The following RERE variants were observed in gnomAD, a reference collection of about 807,000 sequenced individuals.
RERE encodes arginine-glutamic acid dipeptide repeats protein.
A neutral mutation model predicts 146.1 loss-of-function variants in RERE; 40 were observed. That is an observed-to-expected ratio of 0.27 (90% CI 0.21 to 0.36). The LOEUF is 0.36. Ranked by LOEUF, RERE falls within the 10% of genes least tolerant of loss-of-function variation. RERE has a pLI of 1.00. For missense variants in RERE, 1,933 were observed against 2,138.7 expected, an observed-to-expected ratio of 0.90 and a Z score of 1.90; for synonymous variants, 1,003 against 866.0, an observed-to-expected ratio of 1.16 and a Z score of -2.78.
chr1:8,689,224 A>G (rs944121250), intron 1 of RERE, among the ~76,000 whole-genome samples: 1 of 152,210 alleles, frequency 6.6e-6, no homozygotes, highest in Non-Finnish European at 1.5e-5. Context: ...AATGAAGGGC[A>G]GAATTAAGGA....
At chr1:8,363,879 G>T (rs188150170) in intron 15 of RERE, 177 bp downstream of exon 15, 1 of 629,452 alleles carries the variant, frequency 1.6e-6, no homozygotes, top group Non-Finnish European at 2.8e-6. Flanking sequence ...TCGAAGGAGA[G>T]AACAGAGAAC....
intron 4 of RERE, among the ~76,000 whole-genome samples, chr1:8,571,659 A>C (rs1186913227): frequency 2.4e-4 from 37 of 152,250 alleles, no homozygotes; most frequent in Admixed American, 2.4e-3. Flanking sequence ...ACCAAAACAA[A>C]GACGGTAACC....
At chr1:8,703,661 A>G (rs985065444) in intron 1 of RERE, among the ~76,000 whole-genome samples, 4 of 152,232 alleles carry the variant, frequency 2.6e-5, no homozygotes, top group Non-Finnish European at 4.4e-5. Flanking sequence ...GTCAGCTAGA[A>G]AATGCATCTG....
intron 7 of RERE, among the ~76,000 whole-genome samples, chr1:8,511,060 C>T (rs1035878622): frequency 1.3e-5 from 2 of 152,042 alleles, no homozygotes; most frequent in Non-Finnish European, 2.9e-5. Context: ...ACCGCCCAAC[C>T]CCATTTTTAT....
At chr1:8,407,613 G>C (rs1643485782) in intron 12 of RERE, among the ~76,000 whole-genome samples, 1 of 151,958 alleles carries the variant, frequency 6.6e-6, no homozygotes, top group African/African-American at 2.4e-5. Context: ...GACCTGTGAG[G>C]GTGCCATTTT....
intron 1 of RERE, among the ~76,000 whole-genome samples, chr1:8,798,116 CG>C (rs1440339020): frequency 6.6e-6 from 1 of 152,120 alleles, no homozygotes; most frequent in Non-Finnish European, 1.5e-5. Context: ...AAACTTAGGC[CG>C]GATGCAGTGG....
At chr1:8,755,877 C>A (rs578002803) in intron 1 of RERE, among the ~76,000 whole-genome samples, 1 of 151,906 alleles carries the variant, frequency 6.6e-6, no homozygotes, top group South Asian at 2.1e-4. Flanking sequence ...CCAGCCCGGG[C>A]AATATAGTGA....
intron 1 of RERE, among the ~76,000 whole-genome samples, chr1:8,700,253 C>T (rs532603305): frequency 3.8e-4 from 57 of 151,992 alleles, no homozygotes; most frequent in African/African-American, 1.3e-3. Context: ...TGCAGTGAGC[C>T]GAGACCATGC....
intron 8 of RERE, among the ~76,000 whole-genome samples, chr1:8,507,469 G>A (rs767446104): frequency 5.3e-5 from 8 of 152,216 alleles, no homozygotes; most frequent in Non-Finnish European, 1.0e-4. Context: ...GTGCAGTGTC[G>A]CAATCTTGGC....
chr1:8,367,844 T>C (rs889335074), intron 12 of RERE, among the ~76,000 whole-genome samples: 6 of 152,292 alleles, frequency 3.9e-5, no homozygotes, highest in Middle Eastern at 3.4e-3. Flanking sequence ...TTTCCAGACT[T>C]GGAAATGCAT....
intron 2 of RERE, among the ~76,000 whole-genome samples, chr1:8,637,935 G>A (rs1447430536): frequency 3.3e-5 from 5 of 152,120 alleles, no homozygotes; most frequent in Non-Finnish European, 7.3e-5. Flanking sequence ...TAAATTTATC[G>A]ATATTCATCA....
chr1:8,594,506 T>C (rs1034873886), intron 4 of RERE, among the ~76,000 whole-genome samples: 3 of 152,136 alleles, frequency 2.0e-5, no homozygotes, highest in South Asian at 4.1e-4. Flanking sequence ...TCTGTGAAAG[T>C]AGACAGAGGC....
At chr1:8,416,213 T>A (rs905653053) in intron 12 of RERE, among the ~76,000 whole-genome samples, 3 of 152,218 alleles carry the variant, frequency 2.0e-5, no homozygotes, top group African/African-American at 7.2e-5. Context: ...AGAGCTTTTG[T>A]ATCAAGTAAG....
intron 5 of RERE, 103 bp from the exon 6 acceptor site, chr1:8,556,674 C>T (rs1458974339): frequency 9.8e-6 from 7 of 716,350 alleles, no homozygotes; most frequent in Middle Eastern, 3.9e-4. Flanking sequence ...ACTAAATAAC[C>T]GGGCCTGGTT....
chr1:8,517,081 A>G (rs1645429961), intron 7 of RERE, among the ~76,000 whole-genome samples: 3 of 152,212 alleles, frequency 2.0e-5, no homozygotes, highest in African/African-American at 7.2e-5. Flanking sequence ...CACGCACACA[A>G]TCTACTAATG....
chr1:8,761,238 A>G (rs1435414080), intron 1 of RERE, among the ~76,000 whole-genome samples: 1 of 152,206 alleles, frequency 6.6e-6, no homozygotes, highest in Non-Finnish European at 1.5e-5. Flanking sequence ...AGGTTTTGCA[A>G]TGTGACAAAC....
At chr1:8,390,026 C>T (rs12046086) in intron 12 of RERE, among the ~76,000 whole-genome samples, 2 of 152,216 alleles carry the variant, frequency 1.3e-5, no homozygotes, top group South Asian at 2.1e-4. Context: ...GGGTTAAGAA[C>T]AAGAGTAGTT....
chr1:8,519,546 T>C (rs1295627095), intron 7 of RERE, among the ~76,000 whole-genome samples: 1 of 152,206 alleles, frequency 6.6e-6, no homozygotes, highest in Non-Finnish European at 1.5e-5. Context: ...AAGTTGATAA[T>C]GTTATTATGC....
chr1:8,801,972 T>A (rs924080561), intron 1 of RERE, among the ~76,000 whole-genome samples: 3 of 152,198 alleles, frequency 2.0e-5, no homozygotes, highest in Non-Finnish European at 4.4e-5. Context: ...TTGAAAAATA[T>A]GTTTGGAATT....
Sources: allele counts gnomAD v4.1 joint callset (sites outside exome capture counted in the v4.1 genomes callset), GRCh38; gene constraint gnomAD v4.1.1; transcripts MANE v1.5; gene names NCBI Gene and HGNC (gene_info 2026-07-23, HGNC 2026-07-21).